The following BNIP3L variants were observed in gnomAD, a reference collection of about 807,000 sequenced individuals.
BNIP3L encodes the protein BCL2/adenovirus E1B 19 kDa protein-interacting protein 3-like.
In BNIP3L, 10 loss-of-function variants were observed where a neutral mutation model predicts 25.5. That is an observed-to-expected ratio of 0.39 (90% CI 0.24 to 0.67). The LOEUF (loss-of-function observed/expected upper bound fraction) is 0.67. Among genes scored for constraint, BNIP3L ranks in the 30% least tolerant of loss-of-function variants. BNIP3L has a pLI of 0.45. For missense variants in BNIP3L, 215 were observed against 270.9 expected, an observed-to-expected ratio of 0.79 and a Z score of 1.45; for synonymous variants, 113 against 101.2, an observed-to-expected ratio of 1.12 and a Z score of -0.70.
In BNIP3L at chr8:26,411,069, G is replaced by A. The variant is rs1363344332; in HGVS notation, c.*657G>A. 6.6e-6 allele frequency: 1 copy of A among 152,380 alleles called. No individual in the cohort carries two copies. The highest frequency in any genetic ancestry group is 1.5e-5 in the Non-Finnish European group (1 of 68,088). 9.4% of individuals were successfully genotyped at this position (152,380 alleles called of 1,614,324 possible). A position where few individuals can be genotyped will look rare whatever the true frequency, so the allele number is the denominator to read the frequency against. On this transcript the variant is annotated 3_prime_UTR_variant, in exon 6 of 6. Coordinates refer to ENST00000380629, the MANE Select transcript of BNIP3L (RefSeq NM_004331.3). ...TAGGAGGCAAACTGTATAAATGATAGGTATGAAATAGAATAAGAAGTAAAA... is the reference window on the plus strand; with the variant it reads ...TAGGAGGCAAACTGTATAAATGATAAGTATGAAATAGAATAAGAAGTAAAA...
chr8:26,403,299 ATAATT>A (rs994272385), intron 3 of BNIP3L, among the ~76,000 whole-genome samples: 6 of 152,172 alleles, frequency 3.9e-5, no homozygotes, highest in African/African-American at 7.2e-5. Context: ...GGAAGAAACA[ATAATT>A]TAAAAATTAA....
rs370838534 is a variant in BNIP3L, at chr8:26,391,226, T to C, written c.101-17T>C. The stretch of plus-strand genomic sequence containing the variant: ...TTTCAGTTCTGCTGTGGTTAACTTA[T>C]CTGACTTGTCCAACAGGTTCCTGGG... On this transcript the variant is annotated splice_polypyrimidine_tract_variant and intron_variant, in intron 1 of 5. Transcript: ENST00000380629. The C allele has an allele frequency of 1.4e-5, 22 of 1,563,644 alleles. No individual in the cohort carries two copies. In the East Asian group the frequency reaches 2.8e-4, roughly 20 times the overall value.
At chr8:26,395,076 C>T (rs1563339606) in intron 2 of BNIP3L, among the ~76,000 whole-genome samples, 154 bp from the exon 3 acceptor site, 1 of 152,172 alleles carries the variant, frequency 6.6e-6, no homozygotes, top group East Asian at 1.9e-4. Context: ...TTTAATATCA[C>T]ATAAATTTTT....
rs555601756 is a variant in BNIP3L at position 26,383,060 on chromosome 8, G to A, written c.-71G>A. ...GCGCAGAAAAGGGGGCGGCGGACTC[G>A]GCTTGTTGTGTTGCTGCCTGAGTGC... On this transcript the variant is annotated 5_prime_UTR_variant, in exon 1 of 6. Coordinates refer to ENST00000380629, the MANE Select transcript of BNIP3L (RefSeq NM_004331.3). 4.2e-6 allele frequency: 6 copies of A among 1,423,106 alleles called. No homozygotes were observed. The East Asian group carries it at 7.5e-5, about 18-fold the overall frequency. The allele number at this position is 1,423,106 out of a possible 1,614,324, so 88.2% of individuals were successfully genotyped here.
rs1269991761 is a variant in BNIP3L at position 26,383,107 on chromosome 8, C to G, written c.-24C>G. The G allele has an allele frequency of 1.3e-6, 2 of 1,582,532 alleles. No individual in the cohort carries two copies. The highest frequency in any genetic ancestry group is 1.1e-5 in the South Asian group (1 of 88,318). The stretch of plus-strand genomic sequence containing the variant: ...GTGCCGGAGACGGTCCTGCTGCTGC[C>G]GCAGTCCTGCCAGCTGTCCGACAAT... On this transcript the variant is annotated 5_prime_UTR_variant, in exon 1 of 6. Coordinates refer to ENST00000380629, the MANE Select transcript of BNIP3L (RefSeq NM_004331.3).
intron 3 of BNIP3L, among the ~76,000 whole-genome samples, chr8:26,402,275 A>G (rs1806401666): frequency 6.6e-6 from 1 of 152,226 alleles, no homozygotes; most frequent in Non-Finnish European, 1.5e-5. Context: ...TGTCGTATAT[A>G]AGATGATCTG....
In BNIP3L at chr8:26,408,117, T is replaced by A. The variant is rs758200966; in HGVS notation, c.461+14T>A. ...CATTCCACCCAAGTGAGTTCTCACA[T>A]GTTTCTTGTCAGTGGACACAGTTGA... On this transcript the variant is annotated intron_variant, in intron 4 of 5. Coordinates refer to ENST00000380629, the MANE Select transcript of BNIP3L (RefSeq NM_004331.3). 9.9e-6 allele frequency: 16 copies of A among 1,613,420 alleles called. No homozygotes were observed. Among genetic ancestry groups the A allele is most frequent in the Non-Finnish European group, 1.3e-5 (15 of 1,179,480 alleles).
intron 1 of BNIP3L, among the ~76,000 whole-genome samples, chr8:26,385,185 T>C (rs1331372488): frequency 6.6e-6 from 1 of 152,224 alleles, no homozygotes; most frequent in African/African-American, 2.4e-5. Context: ...TTCTTTTTAG[T>C]ATTGTTTCTT....
At chr8:26,387,392 TC>T (rs759169856) in intron 1 of BNIP3L, among the ~76,000 whole-genome samples, 12 of 152,202 alleles carry the variant, frequency 7.9e-5, no homozygotes, top group Non-Finnish European at 1.8e-4. Context: ...GGAGAAAGCT[TC>T]CAGCTTTTAG....
intron 5 of BNIP3L, 58 bp from the exon 6 acceptor site, chr8:26,410,306 A>G: frequency 1.3e-6 from 2 of 1,598,658 alleles, no homozygotes; most frequent in East Asian, 2.2e-5. Flanking sequence ...CAACCTGTGG[A>G]CAAGCTGGTA....
At chr8:26,383,958 C>G (rs996176834) in intron 1 of BNIP3L, among the ~76,000 whole-genome samples, 1 of 152,052 alleles carries the variant, frequency 6.6e-6, no homozygotes, top group Non-Finnish European at 1.5e-5. Context: ...GCCTCCTGAA[C>G]CACCCAAGAT....
intron 2 of BNIP3L, among the ~76,000 whole-genome samples, chr8:26,393,876 A>G (rs1806168088): frequency 6.6e-6 from 1 of 152,184 alleles, no homozygotes; most frequent in East Asian, 1.9e-4. Context: ...GTCCCCATTT[A>G]AAAATCTCCT....
chr8:26,410,711 A>G lies in BNIP3L; in HGVS notation c.*299A>G, dbSNP rs78665677. 13,049 of 397,364 alleles carry G rather than the reference A, an allele frequency of 0.033. 322 individuals are homozygous for G. The highest frequency in any genetic ancestry group is 0.047 in the Middle Eastern group (64 of 1,348). 24.6% of individuals were successfully genotyped at this position (397,364 alleles called of 1,614,324 possible). A position where few individuals can be genotyped will look rare whatever the true frequency, so the allele number is the denominator to read the frequency against. On this transcript the variant is annotated 3_prime_UTR_variant, in exon 6 of 6. Transcript: ENST00000380629. ...GCCACCAGCAGATTATAATTTTGTC[A>G]GCAATGCTATTATCTCTAATTAGTG... is the stretch of plus-strand genomic sequence containing the variant.
chr8:26,393,820 T>C (rs75157575), intron 2 of BNIP3L, among the ~76,000 whole-genome samples: 2,380 of 152,236 alleles, frequency 0.016, 23 homozygotes, highest in Middle Eastern at 0.048. Context: ...ATTTCCTAAA[T>C]ATATATGACG....
intron 3 of BNIP3L, among the ~76,000 whole-genome samples, chr8:26,406,908 C>G (rs938066531): frequency 4.0e-5 from 6 of 151,362 alleles, no homozygotes; most frequent in Non-Finnish European, 5.9e-5. Context: ...CATCACATCT[C>G]TCACTTATTT....
At chr8:26,401,971 C>T (rs975939363) in intron 3 of BNIP3L, among the ~76,000 whole-genome samples, 2 of 152,142 alleles carry the variant, frequency 1.3e-5, no homozygotes, top group African/African-American at 4.8e-5. Context: ...GAACCATTAT[C>T]TTTTTCTCCT....
At chr8:26,390,515 A>G in intron 1 of BNIP3L, 3 of 985,472 alleles carry the variant, frequency 3.0e-6, no homozygotes, top group Middle Eastern at 5.2e-4. Context: ...ACAAGTTCAC[A>G]AGGTATGTTT....
At chr8:26,408,147 C>T (rs368261648) in intron 4 of BNIP3L, 44 bp downstream of exon 4, 25 of 1,611,264 alleles carry the variant, frequency 1.6e-5, no homozygotes, top group South Asian at 5.5e-5. Flanking sequence ...AGTTGATCTG[C>T]GCACGCTTAC....
At chr8:26,389,059 A>T (rs955009868) in intron 1 of BNIP3L, among the ~76,000 whole-genome samples, 2 of 152,158 alleles carry the variant, frequency 1.3e-5, no homozygotes, top group African/African-American at 4.8e-5. Flanking sequence ...TCGATTGCCT[A>T]CTTCAAGTGA....
Sources: gnomAD v4.1 joint callset for allele counts (sites outside exome capture counted in the v4.1 genomes callset) on GRCh38, gnomAD v4.1.1 for gene constraint, MANE v1.5 for transcripts, NCBI Gene and HGNC (gene_info 2026-07-23, HGNC 2026-07-21) for gene names.